Variants in PHYHIPL observed in about 807,000 individuals in gnomAD.
PHYHIPL encodes phytanoyl-CoA hydroxylase-interacting protein-like.
A neutral mutation model predicts 33.4 loss-of-function variants in PHYHIPL; 9 were observed. That is an observed-to-expected ratio of 0.27 (90% CI 0.16 to 0.47). The LOEUF (loss-of-function observed/expected upper bound fraction) is 0.47. Among genes scored for constraint, PHYHIPL ranks in the 20% least tolerant of loss-of-function variants. PHYHIPL has a pLI of 0.99. For synonymous variants in PHYHIPL, 153 were observed against 154.1 expected (o/e 0.99, Z 0.05); for missense variants, 365 against 460.7 (o/e 0.79, Z 1.90).
intron 1 of PHYHIPL, among the ~76,000 whole-genome samples, chr10:59,229,594 G>A (rs1396982494): frequency 1.3e-5 from 2 of 152,116 alleles, no homozygotes; most frequent in Non-Finnish European, 2.9e-5. Flanking sequence ...TGGATGATTC[G>A]TGAATCGGGC....
chr10:59,193,236 T>C (rs979471715), intron 1 of PHYHIPL, among the ~76,000 whole-genome samples: 9 of 152,158 alleles, frequency 5.9e-5, no homozygotes, highest in African/African-American at 2.2e-4. Flanking sequence ...TTTGGGGCAG[T>C]TAACATGGAA....
At chr10:59,207,081 T>TA (rs1839305149) in intron 1 of PHYHIPL, among the ~76,000 whole-genome samples, 2 of 152,216 alleles carry the variant, frequency 1.3e-5, no homozygotes, top group African/African-American at 2.4e-5. Context: ...AGGTACATTT[T>TA]AAGTAAGGTA....
chr10:59,202,521 G>A (rs1241736476), intron 1 of PHYHIPL, among the ~76,000 whole-genome samples: 2 of 151,966 alleles, frequency 1.3e-5, no homozygotes, highest in Non-Finnish European at 2.9e-5. Flanking sequence ...GAATGACTTG[G>A]GTAATTTAGA....
At chr10:59,217,598 A>T (rs1312757924) in intron 1 of PHYHIPL, among the ~76,000 whole-genome samples, 1 of 151,786 alleles carries the variant, frequency 6.6e-6, no homozygotes, top group Non-Finnish European at 1.5e-5. Context: ...TTGCATTTTT[A>T]TATTTTTGCA....
chr10:59,234,227 A>G, intron 1 of PHYHIPL, 77 bp from the exon 2 acceptor site: 1 of 1,165,040 alleles, frequency 8.6e-7, no homozygotes, highest in Non-Finnish European at 1.2e-6. Flanking sequence ...TTTTATTGGT[A>G]ATAAATCCAT....
chr10:59,227,911 T>G (rs961659851), intron 1 of PHYHIPL, among the ~76,000 whole-genome samples: 1 of 151,038 alleles, frequency 6.6e-6, no homozygotes, highest in African/African-American at 2.5e-5. Flanking sequence ...AAATGGGAGG[T>G]TTAGGTCAAG....
At chr10:59,219,718 A>G (rs545962314) in intron 1 of PHYHIPL, among the ~76,000 whole-genome samples, 1 of 152,290 alleles carries the variant, frequency 6.6e-6, no homozygotes, top group Admixed American at 6.5e-5. Context: ...CATTAGGTGA[A>G]CAAGGATCAT....
At position 59,247,552 on chromosome 10, in the gene PHYHIPL, G is replaced by C. The variant is rs1840823018; in HGVS notation, c.*1961G>C. 6.2e-7 allele frequency: 1 copy of C among 1,600,424 alleles called. No homozygotes were observed. The highest frequency in any genetic ancestry group is 8.5e-7 in the Non-Finnish European group (1 of 1,171,384). On this transcript the variant is annotated 3_prime_UTR_variant, in exon 5 of 5. Coordinates refer to ENST00000373880, the MANE Select transcript of PHYHIPL (RefSeq NM_032439.4). ...GTGTCAAAACTACTTAGCAAGGATG[G>C]CAGAGGAAAATAAACTTTACTTTAT...
At chr10:59,207,432 G>A (rs140575052) in intron 1 of PHYHIPL, among the ~76,000 whole-genome samples, 1,755 of 152,236 alleles carry the variant, frequency 0.012, 15 homozygotes, top group African/African-American at 0.025. Context: ...TTCGCAACCC[G>A]CAAACCAGGA....
intron 1 of PHYHIPL, among the ~76,000 whole-genome samples, chr10:59,219,912 TAAC>T (rs1839716935): frequency 6.6e-6 from 1 of 152,054 alleles, no homozygotes; most frequent in Admixed American, 6.6e-5. Context: ...CATGTAAAAA[TAAC>T]AAAGGGACAG....
At chr10:59,215,312 G>A (rs987363030) in intron 1 of PHYHIPL, among the ~76,000 whole-genome samples, 1 of 152,012 alleles carries the variant, frequency 6.6e-6, no homozygotes, top group Non-Finnish European at 1.5e-5. Flanking sequence ...AGAAAAACAT[G>A]CAGTTTGGTA....
At chr10:59,215,265 T>G (rs1305826735) in intron 1 of PHYHIPL, among the ~76,000 whole-genome samples, 1 of 152,026 alleles carries the variant, frequency 6.6e-6, no homozygotes, top group East Asian at 1.9e-4. Flanking sequence ...ACAGAAAAGA[T>G]CATTGCCTTC....
chr10:59,236,151 G>A (rs907740430), intron 2 of PHYHIPL, among the ~76,000 whole-genome samples: 2 of 151,796 alleles, frequency 1.3e-5, no homozygotes, highest in African/African-American at 4.8e-5. Flanking sequence ...GTATGACCTC[G>A]AACTTGTCTC....
At chr10:59,238,760 A>G in intron 4 of PHYHIPL, 55 bp downstream of exon 4, 2 of 1,187,514 alleles carry the variant, frequency 1.7e-6, no homozygotes. Flanking sequence ...TTCAAATTCT[A>G]GGCTCAGGTT....
intron 1 of PHYHIPL, among the ~76,000 whole-genome samples, chr10:59,214,034 A>G (rs1231181518): frequency 6.6e-5 from 10 of 152,132 alleles, no homozygotes; most frequent in Admixed American, 6.6e-4. Context: ...CCATGGGGGG[A>G]AAGATGGATT....
At chr10:59,230,580 G>T (rs1320224090) in intron 1 of PHYHIPL, among the ~76,000 whole-genome samples, 2 of 152,082 alleles carry the variant, frequency 1.3e-5, no homozygotes, top group Non-Finnish European at 2.9e-5. Context: ...ACATTTTAAT[G>T]AAATTGTATC....
chr10:59,234,048 T>G (rs1046042906), intron 1 of PHYHIPL, among the ~76,000 whole-genome samples: 2 of 151,902 alleles, frequency 1.3e-5, no homozygotes, highest in East Asian at 3.9e-4. Flanking sequence ...TGATTGGTCA[T>G]GTAGAAAAAT....
intron 1 of PHYHIPL, among the ~76,000 whole-genome samples, chr10:59,231,593 A>C (rs2133280332): frequency 6.6e-6 from 1 of 152,236 alleles, no homozygotes; most frequent in East Asian, 1.9e-4. Context: ...GCTATAGGAG[A>C]TGGAAGGACA....
At chr10:59,190,204 C>T (rs1349141601) in intron 1 of PHYHIPL, among the ~76,000 whole-genome samples, 1 of 151,882 alleles carries the variant, frequency 6.6e-6, no homozygotes, top group Non-Finnish European at 1.5e-5. Flanking sequence ...CTTCAGCATC[C>T]ACTATATTTC....
Sources: gnomAD v4.1 joint callset for allele counts (sites outside exome capture counted in the v4.1 genomes callset) on GRCh38, gnomAD v4.1.1 for gene constraint, MANE v1.5 for transcripts, NCBI Gene and HGNC (gene_info 2026-07-23, HGNC 2026-07-21) for gene names.